ERFL: variants seen among roughly 807,000 people sequenced by gnomAD.
The protein encoded by ERFL is ETS domain-containing transcription factor ERF-like.
ERFL carries 8 observed loss-of-function variants against 27.9 expected under a neutral mutation model. That is an observed-to-expected ratio of 0.29 (90% CI 0.17 to 0.52). The LOEUF (loss-of-function observed/expected upper bound fraction) is 0.52. ERFL is among the 20% of genes least tolerant of loss of function. The pLI, the probability that ERFL is intolerant of heterozygous loss-of-function variation, is 0.97. For synonymous variants in ERFL, 174 were observed against 202.8 expected, an observed-to-expected ratio of 0.86 and a Z score of 1.21; for missense variants, 294 against 444.4, an observed-to-expected ratio of 0.66 and a Z score of 3.04.
At chr19:41,925,102 C>T (rs2074863621) in intron 1 of ERFL, among the ~76,000 whole-genome samples, 1 of 151,972 alleles carries the variant, frequency 6.6e-6, no homozygotes, top group African/African-American at 2.4e-5. Context: ...GGAGGTGACC[C>T]CTAGACCCAG....
chr19:41,926,030 A>G (rs1265305484), intron 1 of ERFL, among the ~76,000 whole-genome samples: 1 of 151,898 alleles, frequency 6.6e-6, no homozygotes, highest in Non-Finnish European at 1.5e-5. Context: ...GAGAGGAGGA[A>G]GAGGTGAAGA....
Position 41,912,948 on chromosome 19 carries a change from G to C in ERFL, c.-13-16C>G. The C allele has an allele frequency of 1.7e-6, 2 of 1,145,046 alleles. No homozygotes were observed. The highest frequency in any genetic ancestry group is 3.3e-4 in the Middle Eastern group (1 of 3,052). The allele number at this position is 1,145,046 out of a possible 1,614,324, so 70.9% of individuals were successfully genotyped here. A position where few individuals can be genotyped will look rare whatever the true frequency, so the allele number is the denominator to read the frequency against. On this transcript the variant is annotated splice_polypyrimidine_tract_variant and intron_variant, in intron 1 of 5. Transcript: ENST00000597630. ...GGAGCCGGCCCTGCAGAGGCCGGGA[G>C]GGACACACGGGGACGGGGTGGGCAG...
In ERFL at chr19:41,908,139, G is replaced by A; in HGVS notation, c.*89C>T. ...TGCCCAGACCTGGGAGGTGCTGAGG[G>A]CTGGTCCTGGGCCTTGGGCCAGGCA... On this transcript the variant is annotated 3_prime_UTR_variant, in exon 6 of 6. Transcript: ENST00000597630. The surrounding 1 kb of genome is among the most constrained non-coding windows in gnomAD (Gnocchi z 6.7). 1 of 1,064,030 alleles carries A rather than the reference G, an allele frequency of 9.4e-7. No homozygotes were observed. The allele number at this position is 1,064,030 out of a possible 1,614,324, so 65.9% of individuals were successfully genotyped here.
rs868955677 is a variant in ERFL at position 41,921,795 on chromosome 19, C to A, written c.-14+6245G>T. On this transcript the variant is annotated intron_variant, in intron 1 of 5. Coordinates refer to ENST00000597630, the MANE Select transcript of ERFL (RefSeq NM_001365103.2). The surrounding 1 kb of genome is among the most constrained non-coding windows in gnomAD (Gnocchi z 4.4). Reference sequence around the variant, plus strand: ...CCTAAGGTGTGGATTCCTCGTCCTCCGCCCCACCTCGCCCTTCTTCAGTCC... The same window carrying A: ...CCTAAGGTGTGGATTCCTCGTCCTCAGCCCCACCTCGCCCTTCTTCAGTCC... Among the ~76,000 whole-genome samples, 1 of 151,968 alleles carries A rather than the reference C, an allele frequency of 6.6e-6. No homozygotes were observed. The highest frequency in any genetic ancestry group is 1.5e-5 in the Non-Finnish European group (1 of 67,964).
intron 1 of ERFL, among the ~76,000 whole-genome samples, chr19:41,918,353 T>C (rs1179291367): frequency 7.1e-6 from 1 of 140,282 alleles, no homozygotes. Context: ...ACATACACCA[T>C]ACACACACCA....
intron 1 of ERFL, among the ~76,000 whole-genome samples, chr19:41,922,602 C>G (rs1459139474): frequency 3.3e-5 from 5 of 152,068 alleles, no homozygotes; most frequent in African/African-American, 1.2e-4. Flanking sequence ...GAGAGAGACT[C>G]CGAGGGACGA....
chr19:41,920,193 C>T (rs782677720), intron 1 of ERFL, among the ~76,000 whole-genome samples: 13 of 103,552 alleles, frequency 1.3e-4, no homozygotes, highest in African/African-American at 2.7e-4. Context: ...CACAGACATG[C>T]GCTCACAGAC....
Position 41,908,143 on chromosome 19 carries a change from GTC to G in ERFL, c.*83_*84del. On this transcript the variant is annotated 3_prime_UTR_variant, in exon 6 of 6. Transcript: ENST00000597630. This position sits in a 1 kb window ranked among gnomAD's most constrained non-coding sequence, Gnocchi z 6.7. ...CAGACCTGGGAGGTGCTGAGGGCTG[GTC>G]CTGGGCCTTGGGCCAGGCATCAAGG... 9.1e-7 allele frequency: 1 copy of G among 1,101,778 alleles called. No individual in the cohort carries two copies. The highest frequency in any genetic ancestry group is 1.2e-6 in the Non-Finnish European group (1 of 869,026). The allele number at this position is 1,101,778 out of a possible 1,614,324, so 68.3% of individuals were successfully genotyped here. A position where few individuals can be genotyped will look rare whatever the true frequency, so the allele number is the denominator to read the frequency against.
intron 1 of ERFL, among the ~76,000 whole-genome samples, chr19:41,920,781 CAG>C (rs2074837386): frequency 6.6e-6 from 1 of 152,264 alleles, no homozygotes; most frequent in Middle Eastern, 3.2e-3. Flanking sequence ...GAATGGCAGA[CAG>C]GGCAGTGGAT....
intron 1 of ERFL, among the ~76,000 whole-genome samples, chr19:41,927,708 T>C (rs957641231): frequency 6.6e-6 from 1 of 151,980 alleles, no homozygotes; most frequent in Admixed American, 6.5e-5. Flanking sequence ...CACCTTCAGG[T>C]CGGCCACCAA....
At chr19:41,915,111 G>T (rs1350029329) in intron 1 of ERFL, among the ~76,000 whole-genome samples, 4 of 118,144 alleles carry the variant, frequency 3.4e-5, no homozygotes, top group East Asian at 5.0e-4. Context: ...GCCTCTCAGG[G>T]TCCCCCTCCT....
intron 1 of ERFL, among the ~76,000 whole-genome samples, chr19:41,914,993 G>C (rs1274698325): frequency 2.5e-4 from 18 of 71,968 alleles, no homozygotes; most frequent in South Asian, 5.9e-4. Flanking sequence ...CAGCATCTCT[G>C]TCTCTCCTGT....
At chr19:41,915,824 G>A (rs1327306001) in intron 1 of ERFL, among the ~76,000 whole-genome samples, 1 of 152,124 alleles carries the variant, frequency 6.6e-6, no homozygotes, top group Non-Finnish European at 1.5e-5. Context: ...AGCGCGGCCT[G>A]CGGGGCCTGG....
rs2074843644 is a variant in ERFL at position 41,921,778 on chromosome 19, G to T, written c.-14+6262C>A. ...GCCGGGTGGCGGGCAGACCTAAGGTGTGGATTCCTCGTCCTCCGCCCCACC... is the reference window on the plus strand; with the variant it reads ...GCCGGGTGGCGGGCAGACCTAAGGTTTGGATTCCTCGTCCTCCGCCCCACC... On this transcript the variant is annotated intron_variant, in intron 1 of 5. Coordinates refer to ENST00000597630, the MANE Select transcript of ERFL (RefSeq NM_001365103.2). The surrounding 1 kb of genome is among the most constrained non-coding windows in gnomAD (Gnocchi z 4.4). Among the ~76,000 whole-genome samples the T allele has an allele frequency of 6.6e-6, 1 of 151,654 alleles. No homozygotes were observed. Among genetic ancestry groups the T allele is most frequent in the Non-Finnish European group, 1.5e-5 (1 of 67,884 alleles).
rs1258338817 is a variant in ERFL at position 41,909,904 on chromosome 19, G to T, written c.261C>A (p.Cys87Ter). 1 of 1,613,468 alleles carries T rather than the reference G, an allele frequency of 6.2e-7. No individual in the cohort carries two copies. Among genetic ancestry groups the T allele is most frequent in the East Asian group, 2.2e-5 (1 of 44,880 alleles). Residue 87 changes from cysteine to a stop codon, truncating the protein, a stop_gained, in exon 3 of 6, where the codon TGC (cysteine) becomes TGA (stop). Coordinates refer to ENST00000597630, the MANE Select transcript of ERFL (RefSeq NM_001365103.2). LOFTEE classifies it high-confidence loss of function. The surrounding 1 kb of genome is among the most constrained non-coding windows in gnomAD (Gnocchi z 5.2). ...GCTTGTCGTAATTCATGTGGGGCTT[G>T]CATTTGCGAATACCCCACAGCCGGG... ...EVARLWGIRKCKPHMNYDKLS... is the reference protein window; with the variant it reads ...EVARLWGIRK
At position 41,909,079 on chromosome 19, in the gene ERFL, A is replaced by C; in HGVS notation, c.597T>G (p.Pro199=). 1 of 1,231,538 alleles carries C rather than the reference A, an allele frequency of 8.1e-7. No homozygotes were observed. The highest frequency in any genetic ancestry group is 1.0e-6 in the Non-Finnish European group (1 of 987,894). 76.3% of individuals were successfully genotyped at this position (1,231,538 alleles called of 1,614,324 possible). A position where few individuals can be genotyped will look rare whatever the true frequency, so the allele number is the denominator to read the frequency against. ...TCTTACCAGAGCCCAGGAATGGGAA[A>C]GGGCTGTCCAGACGCAATTTATCTG... ...SETDKLRLDS[P]FPFLGSGATS... The change falls in exon 5 of 6, where the codon CCT becomes CCG. Residue 199 remains proline (P), a synonymous_variant. Transcript: ENST00000597630. This position sits in a 1 kb window ranked among gnomAD's most constrained non-coding sequence, Gnocchi z 5.2.
chr19:41,925,479 G>A lies in ERFL; in HGVS notation c.-14+2561C>T, dbSNP rs78306598. Reference sequence around the variant, plus strand: ...TATAGTGAGAGACAGTGAGAGACCAGGAGAGGCAAAGACAGTGCAAGAAGG... The same window carrying A: ...TATAGTGAGAGACAGTGAGAGACCAAGAGAGGCAAAGACAGTGCAAGAAGG... On this transcript the variant is annotated intron_variant, in intron 1 of 5. Transcript: ENST00000597630. Among the ~76,000 whole-genome samples the A allele has an allele frequency of 3.9e-5, 6 of 152,250 alleles. No homozygotes were observed. In the East Asian group the frequency reaches 1.2e-3, roughly 29 times the overall value.
At chr19:41,925,038 G>A (rs1475548887) in intron 1 of ERFL, among the ~76,000 whole-genome samples, 1 of 152,194 alleles carries the variant, frequency 6.6e-6, no homozygotes, top group Non-Finnish European at 1.5e-5. Flanking sequence ...AAAGGAGAGA[G>A]GTGGCTGGAG....
rs1194350802 is a variant in ERFL, at chr19:41,909,420, G to A, written c.354C>T (p.Thr118=). The A allele has an allele frequency of 1.6e-6, 2 of 1,237,700 alleles. No homozygotes were observed. Among genetic ancestry groups the A allele is most frequent in the Non-Finnish European group, 2.0e-6 (2 of 990,610 alleles). The allele number at this position is 1,237,700 out of a possible 1,614,324, so 76.7% of individuals were successfully genotyped here. Residue 118 remains threonine, a synonymous_variant, in exon 4 of 6, where the codon ACC becomes ACT. Transcript: ENST00000597630. The surrounding 1 kb of genome is among the most constrained non-coding windows in gnomAD (Gnocchi z 5.2). Reference sequence around the variant, plus strand: ...CGACTTTGCTGAAGTTGAACTTGTAGGTGAACCTCTTCCCTTTGGTCTTGT... The same window carrying A: ...CGACTTTGCTGAAGTTGAACTTGTAAGTGAACCTCTTCCCTTTGGTCTTGT... ...ILHKTKGKRF[T]YKFNFSKVVL... is the part of the protein sequence containing the mutation.
Sources: allele counts gnomAD v4.1 joint callset (sites outside exome capture counted in the v4.1 genomes callset), GRCh38; gene constraint gnomAD v4.1.1; non-coding constraint Gnocchi (gnomAD v3.1); transcripts MANE v1.5; gene names NCBI Gene and HGNC (gene_info 2026-07-23, HGNC 2026-07-21).